The following SLC24A2 variants were observed in gnomAD, a reference collection of about 807,000 sequenced individuals.
SLC24A2 encodes sodium/potassium/calcium exchanger 2.
In SLC24A2, 36 loss-of-function variants were observed where a neutral mutation model predicts 62.0. The ratio of observed to expected loss-of-function variants is 0.58; its 90% CI spans 0.44 to 0.77. The LOEUF is 0.77. Among genes scored for constraint, SLC24A2 ranks in the 30% least tolerant of loss-of-function variants. SLC24A2 has a pLI of 0.00. For synonymous variants in SLC24A2, 358 were observed against 294.0 expected (o/e 1.22, Z -2.23); for missense variants, 846 against 817.9 (o/e 1.03, Z -0.42).
chr9:19,619,441 G>A lies in SLC24A2; in HGVS notation c.1078+143C>T. ...CTGTTGCAGATAAAGCACGTCAAAGGGCCAGGGCTGCTTCTGGCAGAAGCT... is the reference window on the plus strand; with the variant it reads ...CTGTTGCAGATAAAGCACGTCAAAGAGCCAGGGCTGCTTCTGGCAGAAGCT... On this transcript the variant is annotated intron_variant, in intron 4 of 10. Coordinates refer to ENST00000341998, the MANE Select transcript of SLC24A2 (RefSeq NM_020344.4). 3 of 770,142 alleles carry A rather than the reference G, an allele frequency of 3.9e-6. No individual in the cohort carries two copies. The South Asian group carries it at 4.1e-5, about 11-fold the overall frequency. The allele number at this position is 770,142 out of a possible 1,614,324, so 47.7% of individuals were successfully genotyped here.
chr9:19,887,799 C>CAT, the SLC24A2 span, among the ~76,000 whole-genome samples: 1 of 152,128 alleles, frequency 6.6e-6, no homozygotes, highest in Non-Finnish European at 1.5e-5. Context: ...AAAGAAATTA[C>CAT]ATATATATGA....
intron 10 of SLC24A2, among the ~76,000 whole-genome samples, chr9:19,518,546 C>T (rs554816330): frequency 2.0e-5 from 3 of 151,876 alleles, no homozygotes; most frequent in East Asian, 1.9e-4. Context: ...CTCAGCTTCC[C>T]GAGTAGCTGG....
the SLC24A2 span, among the ~76,000 whole-genome samples, chr9:20,208,760 A>G: frequency 3.9e-5 from 6 of 152,214 alleles, no homozygotes; most frequent in Admixed American, 6.5e-5. Flanking sequence ...ACATAACTCA[A>G]GAGAGTCATG....
the SLC24A2 span, among the ~76,000 whole-genome samples, chr9:20,095,813 C>T: frequency 6.6e-6 from 1 of 151,932 alleles, no homozygotes; most frequent in Non-Finnish European, 1.5e-5. Context: ...GGGGAGGCCT[C>T]ACAAGCATGG....
chr9:20,066,599 A>T, the SLC24A2 span, among the ~76,000 whole-genome samples: 1 of 152,220 alleles, frequency 6.6e-6, no homozygotes, highest in Non-Finnish European at 1.5e-5. Flanking sequence ...CAGCTTTATG[A>T]CATATTTATC....
chr9:20,191,573 C>T, the SLC24A2 span, among the ~76,000 whole-genome samples: 1 of 151,686 alleles, frequency 6.6e-6, no homozygotes, highest in African/African-American at 2.4e-5. Context: ...TAATTACATT[C>T]TCTGGCATAT....
At chr9:20,274,004 T>C in the SLC24A2 span, among the ~76,000 whole-genome samples, 11 of 152,344 alleles carry the variant, frequency 7.2e-5, no homozygotes, top group South Asian at 2.1e-3. Context: ...GAGAAAGATA[T>C]GACTTTTTCT....
the SLC24A2 span, among the ~76,000 whole-genome samples, chr9:19,925,528 T>C: frequency 1.3e-5 from 2 of 152,346 alleles, no homozygotes; most frequent in African/African-American, 4.8e-5. Flanking sequence ...CTACATTTTA[T>C]AATTCAATCA....
the SLC24A2 span, among the ~76,000 whole-genome samples, chr9:20,210,906 C>T: frequency 1.3e-5 from 2 of 152,098 alleles, no homozygotes; most frequent in South Asian, 4.2e-4. Flanking sequence ...ATCACAATCC[C>T]ACTGCTGTTG....
At chr9:19,796,828 G>A in the SLC24A2 span, among the ~76,000 whole-genome samples, 1 of 152,154 alleles carries the variant, frequency 6.6e-6, no homozygotes, top group Non-Finnish European at 1.5e-5. Flanking sequence ...ATATCTTGAT[G>A]ATAATGTACC....
At chr9:20,102,930 T>A in the SLC24A2 span, among the ~76,000 whole-genome samples, 1 of 152,004 alleles carries the variant, frequency 6.6e-6, no homozygotes, top group African/African-American at 2.4e-5. Flanking sequence ...GATCAGGGAG[T>A]TCCCTTTCCT....
chr9:19,534,669 C>A (rs568975819), intron 8 of SLC24A2, among the ~76,000 whole-genome samples: 2 of 152,274 alleles, frequency 1.3e-5, no homozygotes, highest in East Asian at 3.9e-4. Context: ...TCATCCATGT[C>A]CCTGCAAAGG....
At chr9:19,897,371 A>G in the SLC24A2 span, among the ~76,000 whole-genome samples, 85 of 152,294 alleles carry the variant, frequency 5.6e-4, 1 homozygote, top group Admixed American at 1.9e-3. Context: ...TTCCTTGCCT[A>G]TGAAAGTTTA....
intron 7 of SLC24A2, among the ~76,000 whole-genome samples, chr9:19,553,759 C>G (rs1249812182): frequency 1.3e-5 from 2 of 152,176 alleles, no homozygotes; most frequent in African/African-American, 2.4e-5. Context: ...GCATTTAATT[C>G]TAGGACTCCT....
intron 2 of SLC24A2, among the ~76,000 whole-genome samples, chr9:19,700,767 A>C (rs1820332878): frequency 6.6e-6 from 1 of 152,210 alleles, no homozygotes; most frequent in South Asian, 2.1e-4. Context: ...AGAACTTCTC[A>C]GGCCTGGTTT....
chr9:20,288,965 C>T, the SLC24A2 span, among the ~76,000 whole-genome samples: 33 of 152,104 alleles, frequency 2.2e-4, no homozygotes, highest in East Asian at 6.2e-3. Flanking sequence ...GCATCAACCA[C>T]CAGACAAGTC....
chr9:19,648,181 G>C (rs77966354), intron 2 of SLC24A2, among the ~76,000 whole-genome samples: 3 of 152,298 alleles, frequency 2.0e-5, no homozygotes, highest in East Asian at 3.9e-4. Context: ...ATCTTCATTA[G>C]CCACATGGGG....
At chr9:19,968,847 A>T in the SLC24A2 span, among the ~76,000 whole-genome samples, 3 of 152,332 alleles carry the variant, frequency 2.0e-5, no homozygotes, top group East Asian at 3.9e-4. Context: ...CAAGGAAATC[A>T]TTTATATAAA....
chr9:20,266,014 C>T, the SLC24A2 span, among the ~76,000 whole-genome samples: 1 of 152,200 alleles, frequency 6.6e-6, no homozygotes, highest in East Asian at 1.9e-4. Context: ...CAGTTGTCTG[C>T]TCTCAAACCC....
Sources: allele counts gnomAD v4.1 joint callset (sites outside exome capture counted in the v4.1 genomes callset), GRCh38; gene constraint gnomAD v4.1.1; transcripts MANE v1.5; gene names NCBI Gene and HGNC (gene_info 2026-07-23, HGNC 2026-07-21).